Variants in PRDM9 observed in about 807,000 individuals in gnomAD.
PRDM9 encodes PR/SET domain 9.
In PRDM9, 47 loss-of-function variants were observed where a neutral mutation model predicts 55.6. The ratio of observed to expected loss-of-function variants is 0.85; its 90% CI spans 0.67 to 1.08. PRDM9 has a LOEUF of 1.08. Ranked by LOEUF, PRDM9 falls within the 50% of genes least tolerant of loss-of-function variation. PRDM9 has a pLI of 0.00. For missense variants in PRDM9, 867 were observed against 1,040.3 expected (o/e 0.83, Z 2.29); for synonymous variants, 312 against 375.7 (o/e 0.83, Z 1.96).
intron 2 of PRDM9, 93 bp from the exon 3 acceptor site, chr5:23,509,377 G>C: frequency 6.3e-7 from 1 of 1,595,216 alleles, no homozygotes; most frequent in Non-Finnish European, 8.6e-7. Context: ...GACTCCCAGA[G>C]GCCCCAGGCT....
At chr5:23,520,901 A>G in intron 5 of PRDM9, 122 bp from the exon 6 acceptor site, 1 of 1,151,814 alleles carries the variant, frequency 8.7e-7, no homozygotes, top group Non-Finnish European at 1.3e-6. Flanking sequence ...TAGTATTTAG[A>G]CACTCTAGGT....
Position 23,527,470 on chromosome 5 carries a change from C to A in PRDM9, c.2382C>A (p.His794Gln), listed in dbSNP as rs763759222. 1.0e-5 allele frequency: 16 copies of A among 1,585,550 alleles called. No homozygotes were observed. The highest frequency in any genetic ancestry group is 1.3e-5 in the Non-Finnish European group (15 of 1,171,448). Reference protein sequence around the residue: ...GFRDKSNLLSHQRTHTGEKPY... With the variant: ...GFRDKSNLLSQQRTHTGEKPY... ...GAGATAAGTCAAACCTCCTCAGTCA[C>A]CAGAGGACACACACAGGGGAGAAGC... Residue 794 changes from histidine (H) to glutamine (Q), a missense_variant, in exon 11 of 11, where the codon CAC (histidine) becomes CAA (glutamine). Physicochemically the swap from His to Gln is conservative, Grantham distance 24. Around this residue, in one of 5 missense-constraint regions of PRDM9, gnomAD observed 92 missense variants for 185.7 expected, o/e 0.50. Coordinates refer to ENST00000296682, the MANE Select transcript of PRDM9 (RefSeq NM_020227.4).
Position 23,527,819 on chromosome 5 carries a change from T to C in PRDM9, c.*46T>C, listed in dbSNP as rs781539919. The stretch of plus-strand genomic sequence containing the variant: ...ATCTCAATAGCCACAAAAAGACAAA[T>C]GTGGTCACCACACACTTGCACACCC... On this transcript the variant is annotated 3_prime_UTR_variant, in exon 11 of 11. Transcript: ENST00000296682. 1.2e-6 allele frequency: 2 copies of C among 1,611,190 alleles called. No individual in the cohort carries two copies. Among genetic ancestry groups the C allele is most frequent in the Non-Finnish European group, 1.7e-6 (2 of 1,178,010 alleles).
In PRDM9 at chr5:23,527,685, G is replaced by C. The variant is rs375229073; in HGVS notation, c.2597G>C (p.Gly866Ala). The change falls in exon 11 of 11, where the codon GGG becomes GCG. Residue 866 changes from glycine to alanine, a missense_variant. Around this residue, in one of 5 missense-constraint regions of PRDM9, gnomAD observed 86 missense variants for 73.6 expected, o/e 1.17. Transcript: ENST00000296682. Reference sequence around the variant, plus strand: ...AAGCCCTACGTCTGCAGGGAGTGTGGGCGGGGCTTTAGCGATAGGTCAAGC... The same window carrying C: ...AAGCCCTACGTCTGCAGGGAGTGTGCGCGGGGCTTTAGCGATAGGTCAAGC... The part of the protein sequence containing the change: ...GEKPYVCREC[G>A]RGFSDRSSLC... 1.1e-5 allele frequency: 17 copies of C among 1,583,608 alleles called. No individual in the cohort carries two copies. Among genetic ancestry groups the C allele is most frequent in the Non-Finnish European group, 1.5e-5 (17 of 1,165,092 alleles).
intron 2 of PRDM9, 88 bp from the exon 3 acceptor site, chr5:23,509,382 C>T (rs1248352316): frequency 1.2e-6 from 2 of 1,603,518 alleles, no homozygotes; most frequent in Non-Finnish European, 8.5e-7. Flanking sequence ...CCAGAGGCCC[C>T]AGGCTATGTC....
In PRDM9 at chr5:23,526,900, G is replaced by A; in HGVS notation, c.1812G>A (p.Gly604=). Residue 604 remains glycine (G), a synonymous_variant, in exon 11 of 11, where the codon GGG becomes GGA. Transcript: ENST00000296682. ...VLLTHQRTHT[G]EKPYVCRECG... ...TCACTCACCAGAGGACACACACAGG[G>A]GAGAAGCCCTATGTCTGCAGGGAGT... The A allele has an allele frequency of 6.2e-7, 1 of 1,603,738 alleles. No homozygotes were observed.
At chr5:23,511,158 CAGGGCGGGAA>C (rs1409623754) in intron 4 of PRDM9, among the ~76,000 whole-genome samples, 1 of 151,750 alleles carries the variant, frequency 6.6e-6, no homozygotes, top group Non-Finnish European at 1.5e-5. Context: ...GACTCCGTCT[CAGGGCGGGAA>C]AAATAGTGAC....
intron 5 of PRDM9, among the ~76,000 whole-genome samples, chr5:23,519,671 T>C (rs1333324020): frequency 6.6e-6 from 1 of 152,088 alleles, no homozygotes; most frequent in Non-Finnish European, 1.5e-5. Context: ...AGAAAAATTA[T>C]TAATCTCACA....
chr5:23,520,931 T>A, intron 5 of PRDM9, 92 bp from the exon 6 acceptor site: 3 of 1,436,730 alleles, frequency 2.1e-6, no homozygotes, highest in Non-Finnish European at 2.9e-6. Context: ...GTTTGAACAT[T>A]AACTAGAGTC....
chr5:23,510,839 C>T (rs1397356358), intron 4 of PRDM9, among the ~76,000 whole-genome samples: 1 of 151,770 alleles, frequency 6.6e-6, no homozygotes, highest in Non-Finnish European at 1.5e-5. Context: ...GCATAGCCCC[C>T]AGGAAGATTT....
Position 23,526,742 on chromosome 5 carries a change from T to C in PRDM9, c.1654T>C (p.Tyr552His), listed in dbSNP as rs745917375. 2 of 1,608,024 alleles carry C rather than the reference T, an allele frequency of 1.2e-6. No homozygotes were observed. The highest frequency in any genetic ancestry group is 3.4e-5 in the Admixed American group (2 of 58,478). ...HQRTHTGEKL[Y>H]VCRECGRGFS... ...AAGGACACATACAGGGGAGAAGCTC[T>C]ACGTCTGCAGGGAGTGTGGGCGGGG... The change falls in exon 11 of 11, where the codon TAC (tyrosine) becomes CAC (histidine). Residue 552 changes from tyrosine to histidine, a missense_variant. Tyr to His is a moderately conservative substitution (Grantham distance 83). Coordinates refer to ENST00000296682, the MANE Select transcript of PRDM9 (RefSeq NM_020227.4).
intron 4 of PRDM9, among the ~76,000 whole-genome samples, chr5:23,515,631 G>C (rs567224769): frequency 6.6e-6 from 1 of 152,124 alleles, no homozygotes; most frequent in East Asian, 1.9e-4. Context: ...TTCTTCTTGA[G>C]GTTCTGTACT....
chr5:23,527,696 A>G lies in PRDM9; in HGVS notation c.2608A>G (p.Ser870Gly). 1 of 1,586,880 alleles carries G rather than the reference A, an allele frequency of 6.3e-7. No individual in the cohort carries two copies. The highest frequency in any genetic ancestry group is 8.6e-7 in the Non-Finnish European group (1 of 1,165,942). Reference protein sequence around the residue: ...YVCRECGRGFSDRSSLCYHQR... With the variant: ...YVCRECGRGFGDRSSLCYHQR... ...CTGCAGGGAGTGTGGGCGGGGCTTT[A>G]GCGATAGGTCAAGCCTCTGCTATCA... Residue 870 changes from serine (S) to glycine (G), a missense_variant, in exon 11 of 11, where the codon AGC (serine) becomes GGC (glycine). By Grantham distance (56) the Ser-to-Gly change is moderately conservative. This residue lies in a region of PRDM9 where 86 missense variants were observed against 73.6 expected (regional missense o/e 1.17). Transcript: ENST00000296682.
chr5:23,513,103 T>C (rs1403227462), intron 4 of PRDM9, among the ~76,000 whole-genome samples: 1 of 152,192 alleles, frequency 6.6e-6, no homozygotes, highest in Non-Finnish European at 1.5e-5. Flanking sequence ...CAAATATCTC[T>C]TTGAGATCCT....
intron 5 of PRDM9, among the ~76,000 whole-genome samples, chr5:23,520,130 T>G (rs1579592965): frequency 6.7e-6 from 1 of 149,646 alleles, no homozygotes; most frequent in Non-Finnish European, 1.5e-5. Flanking sequence ...TTTGGGAGGT[T>G]GAGGTGGGTG....
chr5:23,524,796 AAAATC>A (rs1739401593), intron 10 of PRDM9, among the ~76,000 whole-genome samples: 1 of 152,240 alleles, frequency 6.6e-6, no homozygotes, highest in Non-Finnish European at 1.5e-5. Context: ...CTTAAAGACA[AAAATC>A]AAGTTCTCAA....
rs1333071168 is a variant in PRDM9, at chr5:23,509,451, A to T, written c.70-19A>T. The T allele has an allele frequency of 2.5e-6, 4 of 1,614,146 alleles. No individual in the cohort carries two copies. The Admixed American group carries it at 5.0e-5, about 20-fold the overall frequency. ...ATGTGTACTAGTAAATCACTGATGG[A>T]ATCTGTTACTTCCTCTAGGTCAAAG... On this transcript the variant is annotated intron_variant, in intron 2 of 10. Transcript: ENST00000296682.
chr5:23,517,757 A>G, intron 4 of PRDM9, 124 bp from the exon 5 acceptor site: 1 of 971,270 alleles, frequency 1.0e-6, no homozygotes, highest in Non-Finnish European at 1.6e-6. Flanking sequence ...ACTGCACTCC[A>G]GCCTGGGCGA....
At chr5:23,508,025 C>A (rs1376285539) in intron 1 of PRDM9, among the ~76,000 whole-genome samples, 1 of 151,658 alleles carries the variant, frequency 6.6e-6, no homozygotes, top group Admixed American at 6.6e-5. Context: ...CACCCACAGA[C>A]AGACCAAATT....
Sources: gnomAD v4.1 joint callset for allele counts (sites outside exome capture counted in the v4.1 genomes callset) on GRCh38, gnomAD v4.1.1 for gene constraint, gnomAD v4.1.1 regional missense constraint, MANE v1.5 for transcripts, NCBI Gene and HGNC (gene_info 2026-07-23, HGNC 2026-07-21) for gene names.